KCNN1: variants seen among roughly 807,000 people sequenced by gnomAD.
The protein encoded by KCNN1 is small conductance calcium-activated potassium channel protein 1.
KCNN1 carries 20 observed loss-of-function variants against 44.7 expected under a neutral mutation model. The observed-to-expected ratio is 0.45, with a 90% CI of 0.32 to 0.65. The LOEUF is 0.65. Among genes scored for constraint, KCNN1 ranks in the 30% least tolerant of loss-of-function variants. The probability of loss-of-function intolerance (pLI) is 0.05; values close to 1 mark genes in which losing one functional copy is unlikely to be tolerated. For synonymous variants in KCNN1, 324 were observed against 341.7 expected, an observed-to-expected ratio of 0.95 and a Z score of 0.57; for missense variants, 632 against 785.3, an observed-to-expected ratio of 0.80 and a Z score of 2.33.
intron 6 of KCNN1, 75 bp downstream of exon 6, chr19:17,988,600 G>A (rs759285552): frequency 3.6e-6 from 4 of 1,102,136 alleles, no homozygotes; most frequent in Non-Finnish European, 5.4e-6. Flanking sequence ...CTTTCCCTCT[G>A]TACGTGCCGG....
chr19:17,975,018 A>C, intron 2 of KCNN1, 74 bp from the exon 3 acceptor site: 2 of 1,127,908 alleles, frequency 1.8e-6, no homozygotes, highest in Non-Finnish European at 2.7e-6. Context: ...CCCGGGAGCC[A>C]GGGTAAGGGG....
intron 5 of KCNN1, among the ~76,000 whole-genome samples, chr19:17,987,735 G>A (rs1306624883): frequency 6.6e-6 from 1 of 150,842 alleles, no homozygotes; most frequent in Non-Finnish European, 1.5e-5. Context: ...AATGGCTCAT[G>A]CCTGTAATCC....
At chr19:17,973,661 T>A in intron 1 of KCNN1, 147 bp from the exon 2 acceptor site, 1 of 898,216 alleles carries the variant, frequency 1.1e-6, no homozygotes, top group Non-Finnish European at 1.6e-6. Flanking sequence ...TCAGGCTGAC[T>A]CAGATGTTTC....
intron 1 of KCNN1, among the ~76,000 whole-genome samples, chr19:17,968,560 G>A (rs1449211724): frequency 6.6e-6 from 1 of 152,074 alleles, no homozygotes; most frequent in Admixed American, 6.6e-5. Flanking sequence ...AAAAATGCTC[G>A]CTGGAGGGCC....
chr19:17,964,541 G>A (rs1289772615), upstream of KCNN1, among the ~76,000 whole-genome samples: 3 of 152,246 alleles, frequency 2.0e-5, no homozygotes, highest in Non-Finnish European at 4.4e-5. The surrounding 1 kb of genome is among the most constrained non-coding windows in gnomAD (Gnocchi z 4.3). Context: ...TCCCGGGGGC[G>A]TCTTGGCTGC....
At chr19:17,984,620 C>G (rs2032531935) in intron 4 of KCNN1, among the ~76,000 whole-genome samples, 1 of 152,144 alleles carries the variant, frequency 6.6e-6, no homozygotes, top group Non-Finnish European at 1.5e-5. Flanking sequence ...AGCCCTCGGC[C>G]CGCTAGCATG....
At chr19:17,992,178 C>T (rs559726363) in intron 7 of KCNN1, among the ~76,000 whole-genome samples, 27 of 151,216 alleles carry the variant, frequency 1.8e-4, no homozygotes, top group African/African-American at 6.3e-4. Flanking sequence ...AAAAAATTAG[C>T]TGAGCGTGGT....
chr19:17,979,136 C>A, intron 3 of KCNN1, among the ~76,000 whole-genome samples: 1 of 138,886 alleles, frequency 7.2e-6, no homozygotes, highest in East Asian at 2.2e-4. Flanking sequence ...AGACCCCTTC[C>A]TCTTAAAAAA....
At chr19:17,967,537 AG>A (rs1461597208) in intron 1 of KCNN1, among the ~76,000 whole-genome samples, 1 of 151,848 alleles carries the variant, frequency 6.6e-6, no homozygotes, top group Non-Finnish European at 1.5e-5. Context: ...CCATCCTGGG[AG>A]GGGGAGGGTG....
At chr19:17,971,577 C>T (rs996714224) in intron 1 of KCNN1, among the ~76,000 whole-genome samples, 2 of 152,082 alleles carry the variant, frequency 1.3e-5, no homozygotes, top group African/African-American at 2.4e-5. Context: ...ATTCTCCTGT[C>T]TCAACCTCCT....
chr19:17,967,206 C>T lies in KCNN1; in HGVS notation c.-193C>T, dbSNP rs2031843109. The T allele has an allele frequency of 2.1e-6, 2 of 970,246 alleles. No homozygotes were observed. Among genetic ancestry groups the T allele is most frequent in the South Asian group, 9.2e-5 (2 of 21,800 alleles). 60.1% of individuals were successfully genotyped at this position (970,246 alleles called of 1,614,324 possible). A position where few individuals can be genotyped will look rare whatever the true frequency, so the allele number is the denominator to read the frequency against. On this transcript the variant is annotated 5_prime_UTR_variant, in exon 1 of 10. Transcript: ENST00000684775. The stretch of plus-strand genomic sequence containing the variant: ...CGCCCCCGGGCCCCGCGCCCGCTCG[C>T]TGCTGCCCGCCCCGTCCGCGACCCC...
chr19:17,968,242 G>A (rs931844622), intron 1 of KCNN1, among the ~76,000 whole-genome samples: 5 of 152,128 alleles, frequency 3.3e-5, no homozygotes, highest in African/African-American at 1.2e-4. Context: ...GTACCCGGAA[G>A]CCCCTGGGTG....
intron 1 of KCNN1, among the ~76,000 whole-genome samples, chr19:17,970,269 A>C (rs2031965370): frequency 8.0e-6 from 1 of 125,412 alleles, no homozygotes; most frequent in African/African-American, 3.0e-5. Context: ...TCATGAGGTC[A>C]CCTGACCATA....
chr19:17,998,431 T>G lies in KCNN1; in HGVS notation c.*25T>G, dbSNP rs1171639779. On this transcript the variant is annotated 3_prime_UTR_variant, in exon 10 of 10. Coordinates refer to ENST00000684775, the MANE Select transcript of KCNN1 (RefSeq NM_001386974.1). This position sits in a 1 kb window ranked among gnomAD's most constrained non-coding sequence, Gnocchi z 5.4. ...ACGGCCCTGCCCGCCACCAGACCCC[T>G]AAATCTTGGCCATCGTGTGGCCGCC... 2 of 1,459,690 alleles carry G rather than the reference T, an allele frequency of 1.4e-6. No homozygotes were observed. The highest frequency in any genetic ancestry group is 1.4e-5 in the South Asian group (1 of 70,176). 90.4% of individuals were successfully genotyped at this position (1,459,690 alleles called of 1,614,324 possible).
At chr19:17,990,192 T>C in intron 7 of KCNN1, 1 of 440,602 alleles carries the variant, frequency 2.3e-6, no homozygotes, top group Non-Finnish European at 4.5e-6. Context: ...TCATGTAGGA[T>C]AACTAGAAAT....
rs1386924174 is a variant in KCNN1, at chr19:17,993,196, G to A, written c.1307+134G>A. 16 of 1,101,316 alleles carry A rather than the reference G, an allele frequency of 1.5e-5. No homozygotes were observed. Among genetic ancestry groups the A allele is most frequent in the African/African-American group, 9.3e-5 (6 of 64,610 alleles). 68.2% of individuals were successfully genotyped at this position (1,101,316 alleles called of 1,614,324 possible). ...GGGTTCACATCTGCCCCATGGATCC[G>A]TGCAGGCTTCACCTTGGTCTGGGAT... On this transcript the variant is annotated intron_variant, in intron 8 of 9. Coordinates refer to ENST00000684775, the MANE Select transcript of KCNN1 (RefSeq NM_001386974.1). The surrounding 1 kb of genome is among the most constrained non-coding windows in gnomAD (Gnocchi z 4.5).
Position 17,982,155 on chromosome 19 carries a change from C to A in KCNN1, c.917+28C>A, listed in dbSNP as rs542846630. ...GCGACCGCCGCCCCTGGAGCCCCCC[C>A]AGCCCCCAGCCCCCGTCTCCCTGGA... On this transcript the variant is annotated intron_variant, in intron 4 of 9. Transcript: ENST00000684775. 4,236 of 1,460,252 alleles carry A rather than the reference C, an allele frequency of 2.9e-3. 9 individuals carry two copies. The highest frequency in any genetic ancestry group is 3.5e-3 in the Non-Finnish European group (3,852 of 1,099,128). 90.5% of individuals were successfully genotyped at this position (1,460,252 alleles called of 1,614,324 possible).
chr19:17,993,972 C>T lies in KCNN1; in HGVS notation c.1377+413C>T, dbSNP rs1209288152. ...TTAAAAAGAGTACACAATTAGGGGG[C>T]TAAATGGGTGAAGAGGTATTTCTAG... On this transcript the variant is annotated intron_variant, in intron 9 of 9. Transcript: ENST00000684775. The surrounding 1 kb of genome is among the most constrained non-coding windows in gnomAD (Gnocchi z 4.5). Among the ~76,000 whole-genome samples the T allele has an allele frequency of 6.6e-6, 1 of 151,738 alleles. No homozygotes were observed. The highest frequency in any genetic ancestry group is 2.4e-5 in the African/African-American group (1 of 41,288).
At chr19:17,961,283 A>G (rs889781397) in intron 2 of KCNN1, among the ~76,000 whole-genome samples, 1 of 151,644 alleles carries the variant, frequency 6.6e-6, no homozygotes, top group African/African-American at 2.4e-5. Context: ...ATCTGCAAAA[A>G]CCTTGTTTCC....
Sources: allele counts gnomAD v4.1 joint callset (sites outside exome capture counted in the v4.1 genomes callset), GRCh38; gene constraint gnomAD v4.1.1; non-coding constraint Gnocchi (gnomAD v3.1); transcripts MANE v1.5; gene names NCBI Gene and HGNC (gene_info 2026-07-23, HGNC 2026-07-21).